CATSPER2: variants seen among roughly 807,000 people sequenced by gnomAD.
CATSPER2 encodes the protein cation channel sperm associated 2, also known as cation channel sperm-associated protein 2.
CATSPER2 carries 56 observed loss-of-function variants against 68.8 expected under a neutral mutation model. That is an observed-to-expected ratio of 0.81 (90% CI 0.66 to 1.02). The LOEUF (loss-of-function observed/expected upper bound fraction) is 1.02, where lower values mean the gene tolerates loss of function less well. Ranked by LOEUF, CATSPER2 falls within the 50% of genes least tolerant of loss-of-function variation. CATSPER2 has a pLI of 0.00. For synonymous variants in CATSPER2, 198 were observed against 229.9 expected (o/e 0.86, Z 1.26); for missense variants, 582 against 642.0 (o/e 0.91, Z 1.01).
At chr15:43,642,151 G>A (rs998117768) in intron 4 of CATSPER2, among the ~76,000 whole-genome samples, 3 of 151,024 alleles carry the variant, frequency 2.0e-5, no homozygotes, top group African/African-American at 7.3e-5. Context: ...CCAAGATGGA[G>A]TGCAGTGGTG....
In CATSPER2 at chr15:43,639,100, C is replaced by T. The variant is rs991239942; in HGVS notation, c.718-72G>A. On this transcript the variant is annotated intron_variant, in intron 6 of 12. Coordinates refer to ENST00000396879, the MANE Select transcript of CATSPER2 (RefSeq NM_172095.4). The stretch of plus-strand genomic sequence containing the variant: ...TCTCCACCAACAGCCCAGTCAAGCT[C>T]ACCTGGCAATCCCCCACCAAACCCT... 1.2e-5 allele frequency: 19 copies of T among 1,580,690 alleles called. 1 individual carries two copies. The highest frequency in any genetic ancestry group is 2.3e-5 in the East Asian group (1 of 44,290).
At chr15:43,640,298 C>T (rs765093860) in intron 5 of CATSPER2, 26 bp downstream of exon 5, 18 of 1,608,458 alleles carry the variant, frequency 1.1e-5, no homozygotes, top group Middle Eastern at 1.6e-4. Context: ...TCCCACTAAA[C>T]GAACCCTCAG....
chr15:43,632,199 C>G lies in CATSPER2; in HGVS notation c.1561G>C (p.Val521Leu). 2 of 1,613,362 alleles carry G rather than the reference C, an allele frequency of 1.2e-6. No individual in the cohort carries two copies. The highest frequency in any genetic ancestry group is 2.2e-5 in the South Asian group (2 of 91,050). Residue 521 changes from valine (V) to leucine (L), a missense_variant and splice_region_variant, in exon 12 of 13, where the codon GTG (valine) becomes CTG (leucine). Coordinates refer to ENST00000396879, the MANE Select transcript of CATSPER2 (RefSeq NM_172095.4). Reference protein sequence around the residue: ...EERKKLQEFAVQALMNLEDK With the variant: ...EERKKLQEFALQALMNLEDK Reference sequence around the variant, plus strand: ...CCCCATGACTGCCCTAACTCCATACCTGCAAACTCTTGTAACTTCTTACGT... The same window carrying G: ...CCCCATGACTGCCCTAACTCCATACGTGCAAACTCTTGTAACTTCTTACGT...
chr15:43,635,690 G>A, intron 9 of CATSPER2, 37 bp downstream of exon 9: 1 of 1,580,128 alleles, frequency 6.3e-7, no homozygotes, highest in African/African-American at 1.3e-5. Flanking sequence ...GGAAACCCTT[G>A]AGAAGGAAAG....
In CATSPER2 at chr15:43,647,101, A is replaced by T; in HGVS notation, c.337T>A (p.Phe113Ile). ...WVLECPLFKNFIIFLVFLNTI... is the reference protein window; with the variant it reads ...WVLECPLFKNIIIFLVFLNTI... Reference sequence around the variant, plus strand: ...TTCAAAAAGACCAGGAAGATGATGAAGTTTTTGAAGAGAGGACCTGTTGTC... The same window carrying T: ...TTCAAAAAGACCAGGAAGATGATGATGTTTTTGAAGAGAGGACCTGTTGTC... Residue 113 changes from phenylalanine to isoleucine, a missense_variant, in exon 4 of 13, where the codon TTC (phenylalanine) becomes ATC (isoleucine). This residue lies in a region of CATSPER2 where 197 missense variants were observed against 191.0 expected (regional missense o/e 1.03). Coordinates refer to ENST00000396879, the MANE Select transcript of CATSPER2 (RefSeq NM_172095.4). The T allele has an allele frequency of 6.2e-7, 1 of 1,612,820 alleles. No individual in the cohort carries two copies. The highest frequency in any genetic ancestry group is 8.5e-7 in the Non-Finnish European group (1 of 1,178,926).
intron 4 of CATSPER2, among the ~76,000 whole-genome samples, chr15:43,643,391 G>A (rs1360997806): frequency 1.3e-5 from 2 of 150,412 alleles, no homozygotes; most frequent in African/African-American, 2.5e-5. Flanking sequence ...TCACTCTGTC[G>A]CCCAGCTGCC....
Position 43,648,742 on chromosome 15 carries a change from C to T in CATSPER2, c.-116G>A. On this transcript the variant is annotated 5_prime_UTR_variant, in exon 1 of 13. Coordinates refer to ENST00000396879, the MANE Select transcript of CATSPER2 (RefSeq NM_172095.4). ...AGACGAGCTCAGGGCCGGCTCCCAGCCTCACTGCGCCCCATTCCCCGCCCC... is the reference window on the plus strand; with the variant it reads ...AGACGAGCTCAGGGCCGGCTCCCAGTCTCACTGCGCCCCATTCCCCGCCCC... The T allele has an allele frequency of 2.0e-6, 3 of 1,522,810 alleles. No individual in the cohort carries two copies. The highest frequency in any genetic ancestry group is 1.2e-5 in the South Asian group (1 of 82,776). The allele number at this position is 1,522,810 out of a possible 1,614,324, so 94.3% of individuals were successfully genotyped here.
At chr15:43,648,336 AAAAAC>A (rs1263255133) in intron 1 of CATSPER2, among the ~76,000 whole-genome samples, 1 of 151,970 alleles carries the variant, frequency 6.6e-6, no homozygotes, top group Non-Finnish European at 1.5e-5. Context: ...AAAACTCATT[AAAAAC>A]AAAACAAAAC....
chr15:43,633,002 T>C, intron 10 of CATSPER2, 68 bp from the exon 11 acceptor site: 1 of 1,378,242 alleles, frequency 7.3e-7, no homozygotes, highest in South Asian at 1.3e-5. Flanking sequence ...TTATTCTGGT[T>C]CTGCCCCTGG....
Position 43,630,549 on chromosome 15 carries a change from G to A in CATSPER2, c.*152C>T, listed in dbSNP as rs1213000958. The A allele has an allele frequency of 3.3e-6, 5 of 1,525,368 alleles. No individual in the cohort carries two copies. Among genetic ancestry groups the A allele is most frequent in the Non-Finnish European group, 4.5e-6 (5 of 1,123,198 alleles). The allele number at this position is 1,525,368 out of a possible 1,614,324, so 94.5% of individuals were successfully genotyped here. On this transcript the variant is annotated 3_prime_UTR_variant, in exon 13 of 13. Coordinates refer to ENST00000396879, the MANE Select transcript of CATSPER2 (RefSeq NM_172095.4). ...TTTTTGTATTTTTAGTAGAGACAGG[G>A]TTTCACCACGCCTGGCCTAGACACT...
At chr15:43,648,420 G>A (rs1306308147) in intron 1 of CATSPER2, among the ~76,000 whole-genome samples, 2 of 152,014 alleles carry the variant, frequency 1.3e-5, no homozygotes, top group African/African-American at 2.4e-5. Flanking sequence ...AAAGAATCTG[G>A]GTCCCACCTG....
intron 4 of CATSPER2, among the ~76,000 whole-genome samples, chr15:43,643,552 G>C (rs1242023080): frequency 6.6e-6 from 1 of 151,704 alleles, no homozygotes; most frequent in Non-Finnish European, 1.5e-5. Context: ...GGCCAGGTTG[G>C]TCTTGAACTC....
chr15:43,648,571 C>G, intron 1 of CATSPER2, 58 bp downstream of exon 1: 1 of 1,358,416 alleles, frequency 7.4e-7, no homozygotes, highest in East Asian at 2.8e-5. Context: ...TGTGTCCACT[C>G]CAACACTCCT....
intron 11 of CATSPER2, 140 bp from the exon 12 acceptor site, chr15:43,632,503 A>T: frequency 7.8e-6 from 11 of 1,411,666 alleles, no homozygotes; most frequent in Non-Finnish European, 1.1e-5. Flanking sequence ...CATCAGTAAG[A>T]AACCACTTTT....
Position 43,648,842 on chromosome 15 carries a change from A to T in CATSPER2, c.-216T>A. 1 of 1,527,088 alleles carries T rather than the reference A, an allele frequency of 6.5e-7. No homozygotes were observed. The highest frequency in any genetic ancestry group is 8.8e-7 in the Non-Finnish European group (1 of 1,141,368). 94.6% of individuals were successfully genotyped at this position (1,527,088 alleles called of 1,614,324 possible). On this transcript the variant is annotated 5_prime_UTR_variant, in exon 1 of 13. Coordinates refer to ENST00000396879, the MANE Select transcript of CATSPER2 (RefSeq NM_172095.4). Reference sequence around the variant, plus strand: ...CCCACAGCCCAGGACCATGCGGAGCAACGCTCGCCCAGCCACTCGCCGCCT... The same window carrying T: ...CCCACAGCCCAGGACCATGCGGAGCTACGCTCGCCCAGCCACTCGCCGCCT...
chr15:43,635,155 C>CTT (rs747172395), intron 10 of CATSPER2: 22 of 488,568 alleles, frequency 4.5e-5, no homozygotes, highest in Non-Finnish European at 5.3e-5. Flanking sequence ...AACTTAGGAT[C>CTT]TTTTTTTTTT....
At chr15:43,630,802 C>A in intron 12 of CATSPER2, 70 bp from the exon 13 acceptor site, 1 of 1,610,898 alleles carries the variant, frequency 6.2e-7, no homozygotes, top group East Asian at 2.2e-5. Flanking sequence ...TTGGTGAAGA[C>A]CTTGCTTTTC....
chr15:43,646,153 A>G (rs1474740066), intron 4 of CATSPER2, among the ~76,000 whole-genome samples: 1 of 151,824 alleles, frequency 6.6e-6, no homozygotes, highest in Non-Finnish European at 1.5e-5. Flanking sequence ...GTCAGGCTAA[A>G]CTGACAACAG....
At chr15:43,639,970 C>T in intron 5 of CATSPER2, 172 bp from the exon 6 acceptor site, 13 of 1,484,234 alleles carry the variant, frequency 8.8e-6, no homozygotes, top group Non-Finnish European at 1.2e-5. Flanking sequence ...AAACACTATA[C>T]TTAAACTTGT....
Sources: gnomAD v4.1 joint callset for allele counts (sites outside exome capture counted in the v4.1 genomes callset) on GRCh38, gnomAD v4.1.1 for gene constraint, gnomAD v4.1.1 regional missense constraint, MANE v1.5 for transcripts, NCBI Gene and HGNC (gene_info 2026-07-23, HGNC 2026-07-21) for gene names.